BCR: variants seen among roughly 807,000 people sequenced by gnomAD.
BCR encodes the protein breakpoint cluster region protein.
BCR carries 58 observed loss-of-function variants against 138.6 expected under a neutral mutation model. That is an observed-to-expected ratio of 0.42 (90% CI 0.34 to 0.52). BCR has a LOEUF of 0.52. Among genes scored for constraint, BCR ranks in the 20% least tolerant of loss-of-function variants. BCR has a pLI of 0.06. For missense variants in BCR, 1,599 were observed against 1,727.2 expected (o/e 0.93, Z 1.32); for synonymous variants, 786 against 730.1 (o/e 1.08, Z -1.23).
intron 8 of BCR, among the ~76,000 whole-genome samples, chr22:23,281,000 C>T (rs969276781): frequency 6.6e-6 from 1 of 152,232 alleles, no homozygotes; most frequent in African/African-American, 2.4e-5. Flanking sequence ...CACAGTGAGA[C>T]ACACGGGCAC....
At chr22:23,252,757 A>T (rs1360323260) in intron 1 of BCR, among the ~76,000 whole-genome samples, 1 of 151,570 alleles carries the variant, frequency 6.6e-6, no homozygotes. Flanking sequence ...TAGCAACCCA[A>T]CCCCCCTGTA....
chr22:23,279,329 A>C (rs993429491), intron 8 of BCR, among the ~76,000 whole-genome samples: 1 of 152,186 alleles, frequency 6.6e-6, no homozygotes, highest in Non-Finnish European at 1.5e-5. Flanking sequence ...AGTCAAGAGC[A>C]GGTGAGAGGG....
At chr22:23,198,196 A>G in intron 1 of BCR, 1 of 392,952 alleles carries the variant, frequency 2.5e-6, no homozygotes, top group African/African-American at 2.2e-5. Flanking sequence ...ATTGGACCAC[A>G]GTGTCCAGCA....
chr22:23,195,158 C>T (rs1420720855), intron 1 of BCR, among the ~76,000 whole-genome samples: 2 of 151,678 alleles, frequency 1.3e-5, no homozygotes, highest in Non-Finnish European at 2.9e-5. Flanking sequence ...CAGTGGTTCA[C>T]GCCTGTAATC....
intron 5 of BCR, 128 bp downstream of exon 5, chr22:23,268,643 G>T: frequency 1.1e-6 from 1 of 870,336 alleles, no homozygotes; most frequent in East Asian, 2.7e-5. Flanking sequence ...AGATTCTGTT[G>T]GGTTCGTTGC....
At chr22:23,197,712 GGA>G (rs113278805) in intron 1 of BCR, among the ~76,000 whole-genome samples, 5,707 of 152,226 alleles carry the variant, frequency 0.037, 387 homozygotes, top group African/African-American at 0.13. Flanking sequence ...TTGTTAAGCT[GGA>G]GAGGGGATGC....
At chr22:23,299,244 A>G (rs1441423873) in intron 16 of BCR, among the ~76,000 whole-genome samples, 1 of 152,050 alleles carries the variant, frequency 6.6e-6, no homozygotes, top group African/African-American at 2.4e-5. Context: ...TCAGCCTCCC[A>G]AAGTGCTGGG....
At chr22:23,186,368 T>TGTTTG (rs1279437465) in intron 1 of BCR, among the ~76,000 whole-genome samples, 7 of 152,194 alleles carry the variant, frequency 4.6e-5, no homozygotes, top group African/African-American at 1.7e-4. Context: ...TCTTAACCCT[T>TGTTTG]TTAAATTGTT....
intron 1 of BCR, among the ~76,000 whole-genome samples, chr22:23,216,730 C>T (rs185798784): frequency 1.7e-4 from 26 of 152,320 alleles, no homozygotes; most frequent in African/African-American, 5.3e-4. Context: ...GTTTGACTGC[C>T]GCTGGCATCC....
chr22:23,239,466 C>T (rs1367980562), intron 1 of BCR, among the ~76,000 whole-genome samples: 1 of 152,178 alleles, frequency 6.6e-6, no homozygotes, highest in African/African-American at 2.4e-5. Flanking sequence ...CTGCCTCCTA[C>T]TCTGACCTTG....
intron 2 of BCR, among the ~76,000 whole-genome samples, chr22:23,258,702 A>ATAT (rs2073323417): frequency 6.6e-6 from 1 of 152,188 alleles, no homozygotes; most frequent in South Asian, 2.1e-4. Context: ...CGATAGGTAG[A>ATAT]GGCAAGGATG....
chr22:23,199,628 GT>G (rs2072526124), intron 1 of BCR, among the ~76,000 whole-genome samples: 1 of 152,172 alleles, frequency 6.6e-6, no homozygotes, highest in South Asian at 2.1e-4. Context: ...GAAGGTATTG[GT>G]AGGACTGGGG....
chr22:23,267,227 G>A (rs552956727), intron 4 of BCR, among the ~76,000 whole-genome samples: 1 of 152,264 alleles, frequency 6.6e-6, no homozygotes, highest in African/African-American at 2.4e-5. Context: ...TGCAAAGGAG[G>A]GAGGAGGGAA....
intron 1 of BCR, among the ~76,000 whole-genome samples, chr22:23,214,373 A>G (rs1004865244): frequency 6.6e-6 from 1 of 152,206 alleles, no homozygotes; most frequent in South Asian, 2.1e-4. Context: ...ACCCCCCAGT[A>G]TATGAAAAAG....
At chr22:23,314,208 G>T in intron 21 of BCR, 135 bp downstream of exon 21, 1 of 728,990 alleles carries the variant, frequency 1.4e-6, no homozygotes, top group South Asian at 1.7e-5. Flanking sequence ...TGCCTTTGGC[G>T]ACTAGTGCCA....
Position 23,180,809 on chromosome 22 carries a change from A to T in BCR, c.-152A>T, listed in dbSNP as rs2072235003. The T allele has an allele frequency of 1.1e-5, 3 of 272,964 alleles. No homozygotes were observed. The highest frequency in any genetic ancestry group is 1.6e-5 in the Non-Finnish European group (3 of 183,450). 16.9% of individuals were successfully genotyped at this position (272,964 alleles called of 1,614,324 possible). The stretch of plus-strand genomic sequence containing the variant: ...AGCGCCCCGCTCCGCCTCACCTGCC[A>T]CCAGGGAGTGGGCGGGCATTGTTCG... On this transcript the variant is annotated 5_prime_UTR_variant, in exon 1 of 23. Coordinates refer to ENST00000305877, the MANE Select transcript of BCR (RefSeq NM_004327.4).
At chr22:23,266,133 GGA>G (rs2073438168) in intron 4 of BCR, among the ~76,000 whole-genome samples, 1 of 151,718 alleles carries the variant, frequency 6.6e-6, no homozygotes, top group Non-Finnish European at 1.5e-5. Context: ...CGCCCAATCT[GGA>G]GTACAGTGGT....
intron 22 of BCR, 137 bp downstream of exon 22, chr22:23,314,851 T>A: frequency 8.7e-7 from 1 of 1,155,554 alleles, no homozygotes; most frequent in Non-Finnish European, 1.3e-6. Flanking sequence ...GGGACTTGCC[T>A]AGGTCTGCAT....
chr22:23,312,024 A>T (rs966548943), intron 19 of BCR, 188 bp downstream of exon 19: 1 of 1,189,368 alleles, frequency 8.4e-7, no homozygotes, highest in Non-Finnish European at 1.1e-6. Flanking sequence ...ACCAGTTTTT[A>T]AACCATCCTA....
Sources: gnomAD v4.1 joint callset for allele counts (sites outside exome capture counted in the v4.1 genomes callset) on GRCh38, gnomAD v4.1.1 for gene constraint, MANE v1.5 for transcripts, NCBI Gene and HGNC (gene_info 2026-07-23, HGNC 2026-07-21) for gene names.